LTBP1: variants seen among roughly 807,000 people sequenced by gnomAD.
LTBP1 encodes latent-transforming growth factor beta-binding protein 1.
LTBP1 carries 129 observed loss-of-function variants against 207.6 expected under a neutral mutation model. That is an observed-to-expected ratio of 0.62 (90% CI 0.54 to 0.72). The LOEUF (loss-of-function observed/expected upper bound fraction) is 0.72, where lower values mean the gene tolerates loss of function less well. Among genes scored for constraint, LTBP1 ranks in the 30% least tolerant of loss-of-function variants. LTBP1 has a pLI of 0.00. For synonymous variants in LTBP1, 963 were observed against 833.7 expected, an observed-to-expected ratio of 1.16 and a Z score of -2.67; for missense variants, 2,281 against 2,217.2, an observed-to-expected ratio of 1.03 and a Z score of -0.58.
At chr2:33,293,095 T>A in intron 19 of LTBP1, 65 bp from the exon 20 acceptor site, 3 of 1,536,710 alleles carry the variant, frequency 2.0e-6, no homozygotes, top group Non-Finnish European at 2.6e-6. Context: ...CTAACCAAAT[T>A]TAACTTTATC....
intron 18 of LTBP1, among the ~76,000 whole-genome samples, chr2:33,278,135 A>G (rs2093484819): frequency 6.6e-6 from 1 of 151,960 alleles, no homozygotes. Flanking sequence ...CCCGGCCCAA[A>G]TACTGATTCT....
intron 3 of LTBP1, among the ~76,000 whole-genome samples, chr2:33,026,556 T>G (rs2075423714): frequency 6.6e-6 from 1 of 152,192 alleles, no homozygotes; most frequent in Admixed American, 6.5e-5. Context: ...GCAGAGTATT[T>G]TCCATTCCTT....
intron 19 of LTBP1, among the ~76,000 whole-genome samples, chr2:33,288,033 A>G (rs754888683): frequency 1.3e-5 from 2 of 152,214 alleles, no homozygotes; most frequent in African/African-American, 2.4e-5. Context: ...CTGTGTTTTC[A>G]TGTAGCTGTA....
intron 9 of LTBP1, among the ~76,000 whole-genome samples, chr2:33,239,650 TG>T (rs2092219756): frequency 6.6e-6 from 1 of 151,314 alleles, no homozygotes; most frequent in Non-Finnish European, 1.5e-5. Context: ...CTGAGCACTT[TG>T]GGAGGCCGAG....
intron 10 of LTBP1, among the ~76,000 whole-genome samples, chr2:33,245,761 A>G (rs1481446675): frequency 6.6e-6 from 1 of 152,334 alleles, no homozygotes; most frequent in Non-Finnish European, 1.5e-5. Context: ...ATTTAAATGT[A>G]AAGATTGTAG....
chr2:33,180,451 A>G (rs538443619), intron 5 of LTBP1, among the ~76,000 whole-genome samples: 9 of 130,762 alleles, frequency 6.9e-5, no homozygotes, highest in South Asian at 4.8e-4. Flanking sequence ...GTAGCGTGGC[A>G]TAGTTTTTTT....
At chr2:33,272,357 A>C (rs1040187021) in intron 15 of LTBP1, among the ~76,000 whole-genome samples, 2 of 152,222 alleles carry the variant, frequency 1.3e-5, no homozygotes, top group Non-Finnish European at 2.9e-5. Context: ...CTAGGTTGTC[A>C]TGCTCAGAGG....
intron 31 of LTBP1, among the ~76,000 whole-genome samples, chr2:33,366,115 G>C (rs1574033175): frequency 6.6e-6 from 1 of 152,192 alleles, no homozygotes; most frequent in Non-Finnish European, 1.5e-5. Flanking sequence ...CAGTTTGGAG[G>C]AGGCCTGGAA....
intron 5 of LTBP1, among the ~76,000 whole-genome samples, chr2:33,136,815 CAG>C (rs2082179615): frequency 6.6e-6 from 1 of 152,168 alleles, no homozygotes. Context: ...TGTTTAGGAA[CAG>C]AATATACATA....
intron 2 of LTBP1, among the ~76,000 whole-genome samples, chr2:33,002,364 T>C (rs1686162763): frequency 1.3e-5 from 2 of 152,174 alleles, no homozygotes; most frequent in Admixed American, 6.5e-5. Context: ...GTTTGTGTTA[T>C]GTTGGGTGGG....
intron 5 of LTBP1, among the ~76,000 whole-genome samples, chr2:33,185,347 G>A (rs556551836): frequency 3.9e-5 from 6 of 152,178 alleles, no homozygotes; most frequent in Non-Finnish European, 8.8e-5. Flanking sequence ...CTTGGTGGAT[G>A]GAGGTATTGG....
At chr2:33,273,276 T>C (rs1041516915) in intron 15 of LTBP1, among the ~76,000 whole-genome samples, 1 of 152,198 alleles carries the variant, frequency 6.6e-6, no homozygotes, top group African/African-American at 2.4e-5. Flanking sequence ...CTCTTACCTA[T>C]TGGTGATTCA....
intron 5 of LTBP1, among the ~76,000 whole-genome samples, chr2:33,137,393 G>A (rs898910134): frequency 7.2e-5 from 11 of 152,160 alleles, no homozygotes; most frequent in Admixed American, 1.3e-4. Flanking sequence ...TTAAAGGTGA[G>A]GGCTGGCAAA....
intron 24 of LTBP1, among the ~76,000 whole-genome samples, chr2:33,332,099 T>G (rs1021568659): frequency 6.6e-6 from 1 of 152,064 alleles, no homozygotes; most frequent in Non-Finnish European, 1.5e-5. Flanking sequence ...GTATTTTATT[T>G]TTGTTTGTAC....
chr2:33,054,550 G>C (rs1488412524), intron 3 of LTBP1, among the ~76,000 whole-genome samples: 2 of 152,158 alleles, frequency 1.3e-5, no homozygotes, highest in Non-Finnish European at 2.9e-5. Context: ...TCCCTAATAA[G>C]GTGTGGGACT....
intron 9 of LTBP1, among the ~76,000 whole-genome samples, chr2:33,229,504 G>A (rs907455852): frequency 2.0e-5 from 3 of 152,070 alleles, no homozygotes; most frequent in African/African-American, 7.2e-5. Context: ...AGGAAGGAAG[G>A]AGAGACGGAG....
At chr2:33,284,333 A>G (rs1260861513) in intron 19 of LTBP1, among the ~76,000 whole-genome samples, 1 of 152,192 alleles carries the variant, frequency 6.6e-6, no homozygotes, top group Non-Finnish European at 1.5e-5. Context: ...TCCACTTCAA[A>G]TATCTATCAT....
chr2:33,086,324 G>C (rs1324432262), intron 3 of LTBP1, among the ~76,000 whole-genome samples: 1 of 152,176 alleles, frequency 6.6e-6, no homozygotes, highest in Non-Finnish European at 1.5e-5. Flanking sequence ...TTGCAAGATG[G>C]GAATACATCT....
At position 33,262,828 on chromosome 2, in the gene LTBP1, T is replaced by C. The variant is rs756849066; in HGVS notation, c.2518+7T>C. On this transcript the variant is annotated splice_region_variant and intron_variant, in intron 14 of 33. Coordinates refer to ENST00000404816, the MANE Select transcript of LTBP1 (RefSeq NM_206943.4). ...CTGCATCCACAGTTTCCAGGTAGCC[T>C]GTGTTGATCTGTGCTGTTTGTCAGA... The C allele has an allele frequency of 6.3e-7, 1 of 1,578,128 alleles. No homozygotes were observed. Among genetic ancestry groups the C allele is most frequent in the Non-Finnish European group, 8.7e-7 (1 of 1,153,654 alleles).
Sources: gnomAD v4.1 joint callset for allele counts (sites outside exome capture counted in the v4.1 genomes callset) on GRCh38, gnomAD v4.1.1 for gene constraint, MANE v1.5 for transcripts, NCBI Gene and HGNC (gene_info 2026-07-23, HGNC 2026-07-21) for gene names.